Variants in SPAG17 observed in about 807,000 individuals in gnomAD.
The protein encoded by SPAG17 is sperm-associated antigen 17.
In SPAG17, 169 loss-of-function variants were observed where a neutral mutation model predicts 273.6. The ratio of observed to expected loss-of-function variants is 0.62; its 90% CI spans 0.55 to 0.70. The LOEUF is 0.70. Ranked by LOEUF, SPAG17 falls within the 30% of genes least tolerant of loss-of-function variation. The pLI is 0.00. For synonymous variants in SPAG17, 825 were observed against 873.2 expected, an observed-to-expected ratio of 0.94 and a Z score of 0.97; for missense variants, 2,557 against 2,627.8, an observed-to-expected ratio of 0.97 and a Z score of 0.59.
intron 40 of SPAG17, among the ~76,000 whole-genome samples, chr1:117,985,359 C>T (rs975737790): frequency 6.6e-6 from 1 of 152,128 alleles, no homozygotes; most frequent in African/African-American, 2.4e-5. Flanking sequence ...GGGTAAGAGT[C>T]CAGGAGCTTT....
intron 3 of SPAG17, among the ~76,000 whole-genome samples, chr1:118,132,172 C>A (rs937281368): frequency 6.6e-5 from 10 of 152,248 alleles, no homozygotes; most frequent in African/African-American, 2.2e-4. Flanking sequence ...AGGCTCCCTG[C>A]AGGTGTCACT....
In SPAG17 at chr1:118,099,708, G is replaced by C. The variant is rs767007598; in HGVS notation, c.727C>G (p.Pro243Ala). ...LLAIMAELGI[P>A]ITSVIKISSE... ...GATATTTTAATCACGCTGGTTATAG[G>C]AATGCCAAGCTCAGCCATAATTGCT... Residue 243 changes from proline to alanine, a missense_variant, in exon 6 of 49, where the codon CCT becomes GCT. Coordinates refer to ENST00000336338, the MANE Select transcript of SPAG17 (RefSeq NM_206996.4). The C allele has an allele frequency of 1.2e-6, 2 of 1,613,856 alleles. No individual in the cohort carries two copies. Among genetic ancestry groups the C allele is most frequent in the Non-Finnish European group, 8.5e-7 (1 of 1,179,874 alleles).
intron 32 of SPAG17, among the ~76,000 whole-genome samples, chr1:117,997,317 C>A (rs947496640): frequency 6.6e-6 from 1 of 151,816 alleles, no homozygotes; most frequent in Admixed American, 6.6e-5. Context: ...AGTATCAATG[C>A]CCAGAAAAAT....
At chr1:117,981,686 G>A (rs1325453363) in intron 42 of SPAG17, among the ~76,000 whole-genome samples, 1 of 152,170 alleles carries the variant, frequency 6.6e-6, no homozygotes. Flanking sequence ...TAGTAGAGTT[G>A]TCACCTTGTT....
At chr1:117,996,875 A>G in intron 32 of SPAG17, 132 bp from the exon 33 acceptor site, 1 of 887,964 alleles carries the variant, frequency 1.1e-6, no homozygotes, top group Non-Finnish European at 1.7e-6. Flanking sequence ...TTTGCAAGGT[A>G]TTGTTTACTA....
chr1:117,971,887 T>G lies in SPAG17; in HGVS notation c.6302A>C (p.Lys2101Thr). The change falls in exon 45 of 49, where the codon AAG (lysine) becomes ACG (threonine). Residue 2101 changes from lysine (K) to threonine (T), a missense_variant. Physicochemically the swap from Lys to Thr is moderately conservative, Grantham distance 78. Coordinates refer to ENST00000336338, the MANE Select transcript of SPAG17 (RefSeq NM_206996.4). Reference protein sequence around the residue: ...GHTYATVVKLKNVGVDFCRFK... With the variant: ...GHTYATVVKLTNVGVDFCRFK... ...CCTGCAGAAGTCCACTCCAACATTC[T>G]TGAGCTTTACAACTGTGGCATAGGT... is the stretch of plus-strand genomic sequence containing the variant. 1 of 1,613,842 alleles carries G rather than the reference T, an allele frequency of 6.2e-7. No homozygotes were observed.
chr1:117,953,711 T>C lies in SPAG17; in HGVS notation c.*339A>G. On this transcript the variant is annotated 3_prime_UTR_variant, in exon 49 of 49. Transcript: ENST00000336338. Reference sequence around the variant, plus strand: ...CTCTTGTAACCAAAGATGGGAGTAGTCCTGAATCTCTTTGATCAATATGTG... The same window carrying C: ...CTCTTGTAACCAAAGATGGGAGTAGCCCTGAATCTCTTTGATCAATATGTG... 10 of 646,598 alleles carry C rather than the reference T, an allele frequency of 1.5e-5. No individual in the cohort carries two copies. In the South Asian group the frequency reaches 2.0e-4, roughly 13 times the overall value. The allele number at this position is 646,598 out of a possible 1,614,324, so 40.1% of individuals were successfully genotyped here.
At position 118,057,429 on chromosome 1, in the gene SPAG17, C is replaced by T. The variant is rs1651824651; in HGVS notation, c.2541-1515G>A. ...TTAATCAGATCATGTCTTTCCTCTG[C>T]TCAGACCTTTTTAATGAGTCTGCAT... is the stretch of plus-strand genomic sequence containing the variant. On this transcript the variant is annotated intron_variant, in intron 18 of 48. Transcript: ENST00000336338. Among the ~76,000 whole-genome samples the T allele has an allele frequency of 2.6e-5, 4 of 152,228 alleles. No homozygotes were observed. The South Asian group carries it at 8.3e-4, about 32-fold the overall frequency.
chr1:118,179,502 T>C (rs1304474878), intron 1 of SPAG17, among the ~76,000 whole-genome samples: 1 of 152,006 alleles, frequency 6.6e-6, no homozygotes, highest in Non-Finnish European at 1.5e-5. Flanking sequence ...AAGAAAACAT[T>C]GGAGAAATGT....
chr1:118,171,893 G>A (rs1422733839), intron 1 of SPAG17, among the ~76,000 whole-genome samples: 1 of 152,128 alleles, frequency 6.6e-6, no homozygotes, highest in Non-Finnish European at 1.5e-5. Flanking sequence ...TTCCTGATGT[G>A]ACAAATCACT....
At chr1:118,116,553 G>A (rs1657091368) in intron 3 of SPAG17, among the ~76,000 whole-genome samples, 2 of 152,156 alleles carry the variant, frequency 1.3e-5, no homozygotes, top group African/African-American at 4.8e-5. Flanking sequence ...TCTTGGTCAG[G>A]ACTTTCCTGA....
At chr1:118,038,054 C>A (rs1481474071) in intron 23 of SPAG17, among the ~76,000 whole-genome samples, 10 of 152,050 alleles carry the variant, frequency 6.6e-5, no homozygotes. Flanking sequence ...GACTATTACT[C>A]AAAATGTATG....
chr1:118,151,581 T>C (rs953442658), intron 1 of SPAG17, among the ~76,000 whole-genome samples: 5 of 152,246 alleles, frequency 3.3e-5, no homozygotes, highest in African/African-American at 1.2e-4. Context: ...AACAATTTTC[T>C]GGAGAAACTA....
chr1:118,099,926 C>T, intron 5 of SPAG17, 126 bp from the exon 6 acceptor site: 2 of 752,260 alleles, frequency 2.7e-6, no homozygotes, highest in East Asian at 5.5e-5. Flanking sequence ...AAAAATGATC[C>T]AGTTGGCTGG....
rs567612258 is a variant in SPAG17 at position 118,098,865 on chromosome 1, G to C, written c.829+741C>G. On this transcript the variant is annotated intron_variant, in intron 6 of 48. Transcript: ENST00000336338. Reference sequence around the variant, plus strand: ...TAGAGCAGCAATTTAAAAATGTAGTGTTATAAAAATTGGGATGTGGCTGCA... The same window carrying C: ...TAGAGCAGCAATTTAAAAATGTAGTCTTATAAAAATTGGGATGTGGCTGCA... Among the ~76,000 whole-genome samples, 17 of 152,234 alleles carry C rather than the reference G, an allele frequency of 1.1e-4. No individual in the cohort carries two copies. The South Asian group carries it at 3.5e-3, about 32-fold the overall frequency.
chr1:117,986,220 C>T (rs1179112833), intron 40 of SPAG17, among the ~76,000 whole-genome samples: 2 of 152,212 alleles, frequency 1.3e-5, no homozygotes, highest in East Asian at 1.9e-4. Flanking sequence ...CTTATCTCTA[C>T]TGCCTCACTG....
intron 1 of SPAG17, among the ~76,000 whole-genome samples, chr1:118,175,461 C>T (rs560655448): frequency 8.0e-5 from 12 of 150,132 alleles, no homozygotes; most frequent in African/African-American, 2.9e-4. Flanking sequence ...ATCCTAAAAG[C>T]AGCAAGAAAA....
At chr1:117,989,931 A>G (rs574146503) in intron 38 of SPAG17, among the ~76,000 whole-genome samples, 25 of 152,214 alleles carry the variant, frequency 1.6e-4, no homozygotes, top group Non-Finnish European at 2.9e-4. Context: ...TCCAAACTAT[A>G]GTGTACTTAT....
At chr1:118,021,292 C>T (rs140941125) in intron 28 of SPAG17, among the ~76,000 whole-genome samples, 1 of 151,934 alleles carries the variant, frequency 6.6e-6, no homozygotes, top group African/African-American at 2.4e-5. Flanking sequence ...AGTGAAAGAA[C>T]CTGGTCTAGA....
Sources: allele counts gnomAD v4.1 joint callset (sites outside exome capture counted in the v4.1 genomes callset), GRCh38; gene constraint gnomAD v4.1.1; transcripts MANE v1.5; gene names NCBI Gene and HGNC (gene_info 2026-07-23, HGNC 2026-07-21).